ZBTB16: variants seen among roughly 807,000 people sequenced by gnomAD.
ZBTB16 encodes the protein zinc finger and BTB domain-containing protein 16.
Under a neutral mutation model 56.8 loss-of-function variants are expected in ZBTB16, and 8 were observed. That is an observed-to-expected ratio of 0.14 (90% CI 0.08 to 0.25). The LOEUF is 0.25. ZBTB16 is among the 10% of genes least tolerant of loss of function. ZBTB16 has a pLI of 1.00. For synonymous variants in ZBTB16, 363 were observed against 368.5 expected, an observed-to-expected ratio of 0.98 and a Z score of 0.17; for missense variants, 625 against 903.0, an observed-to-expected ratio of 0.69 and a Z score of 3.95.
intron 5 of ZBTB16, among the ~76,000 whole-genome samples, chr11:114,243,943 C>A (rs1487417529): frequency 6.6e-6 from 1 of 152,110 alleles, no homozygotes; most frequent in Non-Finnish European, 1.5e-5. Context: ...GGGGCTGTTT[C>A]CAGAGTTAGG....
intron 3 of ZBTB16, among the ~76,000 whole-genome samples, chr11:114,174,761 C>G (rs938784385): frequency 6.6e-6 from 1 of 152,258 alleles, no homozygotes; most frequent in African/African-American, 2.4e-5. Flanking sequence ...TGCAAGTTAT[C>G]TGCTGACAAT....
chr11:114,182,038 A>C (rs1424869065), intron 3 of ZBTB16, among the ~76,000 whole-genome samples: 1 of 151,934 alleles, frequency 6.6e-6, no homozygotes, highest in African/African-American at 2.4e-5. Flanking sequence ...ATCTTTACTC[A>C]ATGCTTTGTT....
At chr11:114,166,925 A>G (rs1161876469) in intron 3 of ZBTB16, among the ~76,000 whole-genome samples, 2 of 152,092 alleles carry the variant, frequency 1.3e-5, no homozygotes, top group Non-Finnish European at 2.9e-5. Context: ...TTTTTTGTCT[A>G]ATAATTTGAG....
chr11:114,186,714 T>C (rs1943369032), intron 3 of ZBTB16, among the ~76,000 whole-genome samples: 1 of 152,156 alleles, frequency 6.6e-6, no homozygotes, highest in Non-Finnish European at 1.5e-5. Context: ...TTATCTTGGT[T>C]GTTCTGATTT....
chr11:114,070,959 T>A (rs1939324112), intron 2 of ZBTB16, among the ~76,000 whole-genome samples: 1 of 152,210 alleles, frequency 6.6e-6, no homozygotes, highest in South Asian at 2.1e-4. Context: ...GAAGGCTTTG[T>A]AGTGGTGAGG....
intron 2 of ZBTB16, among the ~76,000 whole-genome samples, chr11:114,078,908 T>C (rs1213668899): frequency 6.6e-6 from 1 of 151,602 alleles, no homozygotes; most frequent in African/African-American, 2.4e-5. Context: ...AATACAAAAA[T>C]TAGCTGGGTG....
intron 3 of ZBTB16, among the ~76,000 whole-genome samples, chr11:114,180,208 G>A (rs560996181): frequency 3.3e-5 from 5 of 152,178 alleles, no homozygotes; most frequent in Admixed American, 2.0e-4. Context: ...GTAGGAGTCT[G>A]GAGAACCCAA....
intron 2 of ZBTB16, among the ~76,000 whole-genome samples, chr11:114,139,819 T>C (rs1235036413): frequency 6.6e-6 from 1 of 152,082 alleles, no homozygotes; most frequent in African/African-American, 2.4e-5. Flanking sequence ...AAGAATCTGT[T>C]TCTCTGTGAA....
Position 114,064,717 on chromosome 11 carries a change from G to A in ZBTB16, c.1268+149G>A, listed in dbSNP as rs1257260494. 1.1e-5 allele frequency: 12 copies of A among 1,102,474 alleles called. No homozygotes were observed. The highest frequency in any genetic ancestry group is 7.0e-5 in the South Asian group (5 of 71,504). The allele number at this position is 1,102,474 out of a possible 1,614,324, so 68.3% of individuals were successfully genotyped here. ...AGAACACTTCTTCTAAAGTTCTGGC[G>A]GGGAGGGGAGCAGGTTTTTTAAAGT... On this transcript the variant is annotated intron_variant, in intron 2 of 6. Transcript: ENST00000335953. This position sits in a 1 kb window ranked among gnomAD's most constrained non-coding sequence, Gnocchi z 4.2.
In ZBTB16 at chr11:114,242,354, G is replaced by A. The variant is rs1944725820; in HGVS notation, c.1624+17G>A. 2.5e-6 allele frequency: 4 copies of A among 1,612,290 alleles called. No homozygotes were observed. The highest frequency in any genetic ancestry group is 4.5e-5 in the East Asian group (2 of 44,868). ...CACATACAGGTAGGTCAGTCCAGCTGATGGGTGGATCTGGGTCTCTGGGAG... is the reference window on the plus strand; with the variant it reads ...CACATACAGGTAGGTCAGTCCAGCTAATGGGTGGATCTGGGTCTCTGGGAG... On this transcript the variant is annotated intron_variant, in intron 5 of 6. Coordinates refer to ENST00000335953, the MANE Select transcript of ZBTB16 (RefSeq NM_006006.6).
intron 2 of ZBTB16, among the ~76,000 whole-genome samples, chr11:114,076,547 C>A (rs548330024): frequency 6.6e-6 from 1 of 152,176 alleles, no homozygotes; most frequent in Non-Finnish European, 1.5e-5. Flanking sequence ...AAAGTTAAAT[C>A]GTGACAGTTG....
chr11:114,102,474 A>T (rs1940646547), intron 2 of ZBTB16, among the ~76,000 whole-genome samples: 1 of 152,152 alleles, frequency 6.6e-6, no homozygotes, highest in Non-Finnish European at 1.5e-5. Context: ...TCATCACAGC[A>T]GTGGTAACAG....
rs562900623 is a variant in ZBTB16 at position 114,250,333 on chromosome 11, G to A, written c.1800G>A (p.Lys600=). The change falls in exon 7 of 7, where the codon AAG becomes AAA. Residue 600 remains lysine, a synonymous_variant. Coordinates refer to ENST00000335953, the MANE Select transcript of ZBTB16 (RefSeq NM_006006.6). This position sits in a 1 kb window ranked among gnomAD's most constrained non-coding sequence, Gnocchi z 6.0. ...CTGTCCCTCCGCCCTCAGGTGAGAA[G>A]CCCTTTGAGTGTAAGCTCTGCCACC... ...ETHYRVHTGE[K]PFECKLCHQR... is the part of the protein sequence containing the mutation. 9.3e-6 allele frequency: 15 copies of A among 1,612,402 alleles called. No homozygotes were observed. The East Asian group carries it at 2.9e-4, about 31-fold the overall frequency.
intron 4 of ZBTB16, among the ~76,000 whole-genome samples, chr11:114,199,107 T>G (rs1943671882): frequency 6.6e-6 from 1 of 152,156 alleles, no homozygotes; most frequent in South Asian, 2.1e-4. Flanking sequence ...GGTCCTGGGA[T>G]AGGGATTTTG....
chr11:114,194,872 T>C (rs1383243745), intron 4 of ZBTB16, among the ~76,000 whole-genome samples: 1 of 152,200 alleles, frequency 6.6e-6, no homozygotes, highest in African/African-American at 2.4e-5. Flanking sequence ...GGTTTGAAAT[T>C]TGACACACGG....
At chr11:114,172,794 A>T (rs1319536211) in intron 3 of ZBTB16, among the ~76,000 whole-genome samples, 1 of 152,254 alleles carries the variant, frequency 6.6e-6, no homozygotes, top group East Asian at 1.9e-4. Flanking sequence ...TATGGGCTTA[A>T]TATGGCAAAT....
chr11:114,153,550 C>T (rs991210798), intron 2 of ZBTB16, among the ~76,000 whole-genome samples: 4 of 152,184 alleles, frequency 2.6e-5, no homozygotes, highest in East Asian at 3.9e-4. Context: ...AAGTTTCTTT[C>T]ACTGAAAGAT....
intron 3 of ZBTB16, among the ~76,000 whole-genome samples, chr11:114,163,382 G>A (rs1021250466): frequency 7.2e-5 from 11 of 151,970 alleles, no homozygotes; most frequent in African/African-American, 2.2e-4. Flanking sequence ...GCCCAGATGG[G>A]GTGTTTTTGG....
Position 114,250,983 on chromosome 11 carries a change from G to T in ZBTB16, c.*428G>T, listed in dbSNP as rs1423526203. Among the ~76,000 whole-genome samples the T allele has an allele frequency of 6.6e-6, 1 of 152,226 alleles. No individual in the cohort carries two copies. Among genetic ancestry groups the T allele is most frequent in the East Asian group, 1.9e-4 (1 of 5,174 alleles). On this transcript the variant is annotated 3_prime_UTR_variant, in exon 7 of 7. Transcript: ENST00000335953. The surrounding 1 kb of genome is among the most constrained non-coding windows in gnomAD (Gnocchi z 6.0). ...CCCAGGAGATGAAGGGAGGGAGGAG[G>T]TGAGCCAGAAGGGCGCTCCCCTGCT...
Sources: allele counts gnomAD v4.1 joint callset (sites outside exome capture counted in the v4.1 genomes callset), GRCh38; gene constraint gnomAD v4.1.1; non-coding constraint Gnocchi (gnomAD v3.1); transcripts MANE v1.5; gene names NCBI Gene and HGNC (gene_info 2026-07-23, HGNC 2026-07-21).